The following TMEM178B variants were observed in gnomAD, a reference collection of about 807,000 sequenced individuals.
TMEM178B encodes transmembrane protein 178B.
Under a neutral mutation model 31.0 loss-of-function variants are expected in TMEM178B, and 5 were observed. That is an observed-to-expected ratio of 0.16 (90% CI 0.08 to 0.34). The LOEUF is 0.34. Ranked by LOEUF, TMEM178B falls within the 10% of genes least tolerant of loss-of-function variation. The pLI, the probability that TMEM178B is intolerant of heterozygous loss-of-function variation, is 1.00. For missense variants in TMEM178B, 275 were observed against 400.3 expected, an observed-to-expected ratio of 0.69 and a Z score of 2.67; for synonymous variants, 164 against 164.0, an observed-to-expected ratio of 1.00 and a Z score of 0.00.
chr7:141,486,179 A>G, the TMEM178B span, among the ~76,000 whole-genome samples: 1 of 152,220 alleles, frequency 6.6e-6, no homozygotes, highest in African/African-American at 2.4e-5. Flanking sequence ...GTTCTCACCT[A>G]TAAGTGGGAG....
At chr7:141,097,293 C>T (rs946254944) in intron 1 of TMEM178B, among the ~76,000 whole-genome samples, 2 of 146,862 alleles carry the variant, frequency 1.4e-5, no homozygotes, top group East Asian at 2.0e-4. Flanking sequence ...GGCGTGAACC[C>T]GGGAGGAGTT....
chr7:141,348,834 A>G (rs1799661954), intron 2 of TMEM178B, among the ~76,000 whole-genome samples: 2 of 152,192 alleles, frequency 1.3e-5, no homozygotes, highest in Non-Finnish European at 2.9e-5. Context: ...GTTACAGAAA[A>G]AATCAGAGCA....
At chr7:141,364,817 C>T (rs1023550233) in intron 2 of TMEM178B, among the ~76,000 whole-genome samples, 34 of 152,212 alleles carry the variant, frequency 2.2e-4, no homozygotes, top group African/African-American at 6.5e-4. Flanking sequence ...TCAGCCTCTG[C>T]GTGGGGCAAT....
chr7:141,439,448 C>G (rs1038235900), intron 3 of TMEM178B, among the ~76,000 whole-genome samples: 8 of 152,050 alleles, frequency 5.3e-5, no homozygotes, highest in African/African-American at 1.9e-4. Flanking sequence ...GGCATGCTTC[C>G]CTGCTCTGTG....
intron 2 of TMEM178B, among the ~76,000 whole-genome samples, chr7:141,219,759 A>C (rs73737717): frequency 2.5e-4 from 38 of 152,222 alleles, no homozygotes; most frequent in Admixed American, 5.9e-4. Flanking sequence ...GTGATATTGC[A>C]CCAAGATCTG....
Position 141,074,589 on chromosome 7 carries a change from C to G in TMEM178B, c.279C>G (p.Pro93=), listed in dbSNP as rs1317661978. The part of the protein sequence containing the change: ...RNRRQLFAMS[P]ADECSRQYNS... ...GCCGGCAGCTGTTCGCCATGAGCCC[C>G]GCGGACGAGTGCAGCCGGCAGTACA... Residue 93 remains proline, a synonymous_variant, in exon 1 of 4, where the codon CCC becomes CCG. Transcript: ENST00000565468. The surrounding 1 kb of genome is among the most constrained non-coding windows in gnomAD (Gnocchi z 5.1). The G allele has an allele frequency of 6.5e-7, 1 of 1,535,772 alleles. No homozygotes were observed. Among genetic ancestry groups the G allele is most frequent in the Non-Finnish European group, 8.7e-7 (1 of 1,146,758 alleles).
intron 2 of TMEM178B, among the ~76,000 whole-genome samples, chr7:141,393,996 T>C (rs1800592473): frequency 6.6e-6 from 1 of 152,138 alleles, no homozygotes; most frequent in African/African-American, 2.4e-5. Flanking sequence ...TTCAAAAGAC[T>C]GGACACATTC....
chr7:141,399,433 G>A (rs1800714935), intron 2 of TMEM178B, among the ~76,000 whole-genome samples: 1 of 152,210 alleles, frequency 6.6e-6, no homozygotes, highest in African/African-American at 2.4e-5. Flanking sequence ...GCAGAATCAT[G>A]ACAAGACCTC....
intron 2 of TMEM178B, among the ~76,000 whole-genome samples, chr7:141,396,846 A>G (rs988095838): frequency 6.6e-6 from 1 of 152,104 alleles, no homozygotes; most frequent in Non-Finnish European, 1.5e-5. Context: ...ACACACTTCA[A>G]CAGTCGCTGA....
intron 2 of TMEM178B, among the ~76,000 whole-genome samples, chr7:141,359,860 C>T (rs1272778865): frequency 6.6e-6 from 1 of 152,148 alleles, no homozygotes; most frequent in Non-Finnish European, 1.5e-5. Context: ...GGGGAGGCCT[C>T]ACAGTTATGA....
chr7:141,402,690 T>G lies in TMEM178B; in HGVS notation c.497-34918T>G, dbSNP rs538657801. On this transcript the variant is annotated intron_variant, in intron 2 of 3. Coordinates refer to ENST00000565468, the MANE Select transcript of TMEM178B (RefSeq NM_001195278.2). ...ACCTTGACAGATGGACTAGAAGAGA[T>G]AGATGTTGTAACTTTGGCTAGTTTG... Among the ~76,000 whole-genome samples the G allele has an allele frequency of 9.8e-5, 15 of 152,336 alleles. No homozygotes were observed. In the South Asian group the frequency reaches 2.7e-3, roughly 27 times the overall value.
intron 2 of TMEM178B, among the ~76,000 whole-genome samples, chr7:141,371,674 A>C (rs1181502034): frequency 6.6e-6 from 1 of 152,194 alleles, no homozygotes; most frequent in Non-Finnish European, 1.5e-5. Flanking sequence ...TGACACCAGA[A>C]CACTAAAGGT....
In TMEM178B at chr7:141,114,684, C is replaced by G. The variant is rs546335154; in HGVS notation, c.382+39992C>G. ...GTGCCGGTGCACTGGCTTTCTCCCCCTCCTGGGCTTCCCTCTCCCCCAGTT... is the reference window on the plus strand; with the variant it reads ...GTGCCGGTGCACTGGCTTTCTCCCCGTCCTGGGCTTCCCTCTCCCCCAGTT... On this transcript the variant is annotated intron_variant, in intron 1 of 3. Coordinates refer to ENST00000565468, the MANE Select transcript of TMEM178B (RefSeq NM_001195278.2). Among the ~76,000 whole-genome samples the G allele has an allele frequency of 3.9e-5, 6 of 152,388 alleles. No individual in the cohort carries two copies. The East Asian group carries it at 9.6e-4, about 24-fold the overall frequency.
chr7:141,322,029 A>C (rs1239783719), intron 2 of TMEM178B, among the ~76,000 whole-genome samples: 1 of 152,134 alleles, frequency 6.6e-6, no homozygotes, highest in African/African-American at 2.4e-5. Context: ...AGGTAAAATC[A>C]AGTTAGACGC....
intron 1 of TMEM178B, among the ~76,000 whole-genome samples, chr7:141,141,910 G>A (rs1027431357): frequency 9.2e-5 from 14 of 151,998 alleles, no homozygotes; most frequent in African/African-American, 3.1e-4. Flanking sequence ...ATTCTAATTC[G>A]CTAGGCAACT....
intron 1 of TMEM178B, among the ~76,000 whole-genome samples, chr7:141,204,508 G>A (rs1796931498): frequency 6.6e-6 from 1 of 152,180 alleles, no homozygotes; most frequent in Non-Finnish European, 1.5e-5. Flanking sequence ...GGAATCGGAG[G>A]TGAACGGAGG....
intron 2 of TMEM178B, among the ~76,000 whole-genome samples, chr7:141,359,149 G>A (rs1427965164): frequency 6.6e-6 from 1 of 152,136 alleles, no homozygotes; most frequent in African/African-American, 2.4e-5. Context: ...ACTTGCACTA[G>A]CATCTAAAAA....
rs76008049 is a variant in TMEM178B, at chr7:141,440,875, C to G, written c.634+3130C>G. Among the ~76,000 whole-genome samples the G allele has an allele frequency of 1.5e-3, 224 of 152,308 alleles. 3 individuals are homozygous for G. The East Asian group carries it at 0.038, about 26-fold the overall frequency. ...TTGTTACTTGTGTCCATAGGTAAAG[C>G]CATGTCTTCCTGAAAGAGTCTGGGG... On this transcript the variant is annotated intron_variant, in intron 3 of 3. Transcript: ENST00000565468.
intron 1 of TMEM178B, among the ~76,000 whole-genome samples, chr7:141,084,318 A>G (rs1016946608): frequency 6.6e-6 from 1 of 152,242 alleles, no homozygotes; most frequent in African/African-American, 2.4e-5. Context: ...CCCTTGGGCC[A>G]TTTAAAAATC....
Sources: allele counts gnomAD v4.1 joint callset (sites outside exome capture counted in the v4.1 genomes callset), GRCh38; gene constraint gnomAD v4.1.1; non-coding constraint Gnocchi (gnomAD v3.1); transcripts MANE v1.5; gene names NCBI Gene and HGNC (gene_info 2026-07-23, HGNC 2026-07-21).